SGK1: variants seen among roughly 807,000 people sequenced by gnomAD.
SGK1 encodes the protein serum/glucocorticoid regulated kinase 1.
Under a neutral mutation model 64.2 loss-of-function variants are expected in SGK1, and 26 were observed. That is an observed-to-expected ratio of 0.40 (90% CI 0.30 to 0.56). The LOEUF is 0.56. SGK1 is among the 20% of genes least tolerant of loss of function. The pLI, the probability that SGK1 is intolerant of heterozygous loss-of-function variation, is 0.38. For synonymous variants in SGK1, 265 were observed against 239.7 expected, an observed-to-expected ratio of 1.11 and a Z score of -0.98; for missense variants, 519 against 645.6, an observed-to-expected ratio of 0.80 and a Z score of 2.12.
chr6:134,298,612 G>GC (rs1050210176), intron 1 of SGK1: 10 of 1,132,704 alleles, frequency 8.8e-6, no homozygotes, highest in Admixed American at 1.9e-5. Context: ...CAGGTACTGG[G>GC]CCCACTCGTG....
chr6:134,280,526 C>T (rs1373171561), intron 1 of SGK1, among the ~76,000 whole-genome samples: 1 of 152,198 alleles, frequency 6.6e-6, no homozygotes, highest in African/African-American at 2.4e-5. Context: ...GATTCTCCCA[C>T]CTTGGCTTCC....
Position 134,172,173 on chromosome 6 carries a change from C to G in SGK1, c.1071+20G>C, listed in dbSNP as rs1452535752. On this transcript the variant is annotated intron_variant, in intron 10 of 13. Transcript: ENST00000367858. ...TGGAAGGCGGGGGTAAACCAGGCACCAAACCAAGACAGCGCCTACCTCCGG... is the reference window on the plus strand; with the variant it reads ...TGGAAGGCGGGGGTAAACCAGGCACGAAACCAAGACAGCGCCTACCTCCGG... The G allele has an allele frequency of 6.2e-7, 1 of 1,610,286 alleles. No individual in the cohort carries two copies. The highest frequency in any genetic ancestry group is 8.5e-7 in the Non-Finnish European group (1 of 1,178,828).
In SGK1 at chr6:134,172,336, AAAG is replaced by A. The variant is rs781574579; in HGVS notation, c.948-23_948-21del. 5 of 1,605,612 alleles carry A rather than the reference AAAG, an allele frequency of 3.1e-6. No individual in the cohort carries two copies. In the South Asian group the frequency reaches 5.5e-5, roughly 18 times the overall value. On this transcript the variant is annotated intron_variant, in intron 9 of 13. Coordinates refer to ENST00000367858, the MANE Select transcript of SGK1 (RefSeq NM_001143676.3). ...AAGTCTCTGTAAAAAAGTGAATAGA[AAAG>A]TAGTTGCACAAGTTAATTTCACTTC...
In SGK1 at chr6:134,170,153, A is replaced by G; in HGVS notation, c.*115T>C. 1 of 863,566 alleles carries G rather than the reference A, an allele frequency of 1.2e-6. No homozygotes were observed. 53.5% of individuals were successfully genotyped at this position (863,566 alleles called of 1,614,324 possible). A position where few individuals can be genotyped will look rare whatever the true frequency, so the allele number is the denominator to read the frequency against. ...TGTGCAATAAGATTGCTAAGCTTCC[A>G]GAGATGTGCAAATTCTCTTGTAAGA... On this transcript the variant is annotated 3_prime_UTR_variant, in exon 14 of 14. Transcript: ENST00000367858.
chr6:134,277,715 T>A (rs1777038733), intron 1 of SGK1, among the ~76,000 whole-genome samples: 1 of 152,176 alleles, frequency 6.6e-6, no homozygotes, highest in Non-Finnish European at 1.5e-5. Flanking sequence ...ACCATATAGC[T>A]CTTAAACTCC....
intron 2 of SGK1, among the ~76,000 whole-genome samples, chr6:134,220,760 C>T (rs1258482532): frequency 6.6e-6 from 1 of 152,082 alleles, no homozygotes; most frequent in African/African-American, 2.4e-5. Flanking sequence ...ATACTCCTCT[C>T]GGGAGAGATA....
intron 3 of SGK1, among the ~76,000 whole-genome samples, chr6:134,194,179 T>C (rs1775561701): frequency 6.6e-6 from 1 of 152,138 alleles, no homozygotes; most frequent in Non-Finnish European, 1.5e-5. Context: ...TCTTTTTTTT[T>C]TTTTCTCATC....
chr6:134,176,406 G>A (rs1229905913), intron 3 of SGK1, among the ~76,000 whole-genome samples: 1 of 152,260 alleles, frequency 6.6e-6, no homozygotes, highest in South Asian at 2.1e-4. Context: ...GCTCGAGGCG[G>A]CGGCCCGGGC....
At chr6:134,255,770 A>G (rs1776674146) in intron 2 of SGK1, among the ~76,000 whole-genome samples, 1 of 151,680 alleles carries the variant, frequency 6.6e-6, no homozygotes, top group African/African-American at 2.4e-5. Flanking sequence ...TTTTTAGTAG[A>G]GACAGGGTTT....
intron 3 of SGK1, among the ~76,000 whole-genome samples, chr6:134,199,558 C>CAAAAAAAAAAA (rs369760659): frequency 7.4e-5 from 6 of 81,316 alleles, no homozygotes; most frequent in Non-Finnish European, 9.0e-5. Context: ...GACTCTCTCT[C>CAAAAAAAAAAA]AAAAAAAAAA....
Position 134,211,177 on chromosome 6 carries a change from C to A in SGK1, c.286-3746G>T, listed in dbSNP as rs545155954. ...GATCTCATGTTATGTGTTCTTTCCA[C>A]AATAACACAAAATCTAGAATAGATT... On this transcript the variant is annotated intron_variant, in intron 2 of 13. Transcript: ENST00000367858. 9.7e-4 allele frequency among the ~76,000 whole-genome samples: 147 copies of A among 151,676 alleles called. 3 individuals are homozygous for A. In the South Asian group the frequency reaches 0.03, roughly 31 times the overall value.
At chr6:134,282,576 C>T (rs762421112) in intron 1 of SGK1, among the ~76,000 whole-genome samples, 2 of 151,352 alleles carry the variant, frequency 1.3e-5, no homozygotes, top group Non-Finnish European at 2.9e-5. Context: ...TCACTTGAAC[C>T]TGGGAGGCGG....
chr6:134,204,031 T>C (rs1775727287), intron 3 of SGK1, among the ~76,000 whole-genome samples: 1 of 150,646 alleles, frequency 6.6e-6, no homozygotes, highest in African/African-American at 2.5e-5. Flanking sequence ...ATCATGCCAT[T>C]GCACTCCAGC....
chr6:134,241,430 C>A (rs1305469358), intron 2 of SGK1, among the ~76,000 whole-genome samples: 2 of 151,796 alleles, frequency 1.3e-5, no homozygotes, highest in Admixed American at 1.3e-4. Flanking sequence ...CTCAGGTGAT[C>A]CTGCCACCTC....
At chr6:134,213,643 T>TAAATAAATAAATA (rs11409950) in intron 2 of SGK1, among the ~76,000 whole-genome samples, 1 of 27,816 alleles carries the variant, frequency 3.6e-5, no homozygotes, top group Non-Finnish European at 1.3e-4. Context: ...AATAAATAAA[T>TAAATAAATAAATA]AATAAATAAA....
At chr6:134,264,011 G>A (rs1316223574) in intron 1 of SGK1, among the ~76,000 whole-genome samples, 2 of 152,066 alleles carry the variant, frequency 1.3e-5, no homozygotes, top group East Asian at 1.9e-4. Flanking sequence ...AAAAACAAAC[G>A]CATAGAGATG....
chr6:134,241,714 G>A (rs1265505435), intron 2 of SGK1, among the ~76,000 whole-genome samples: 1 of 152,046 alleles, frequency 6.6e-6, no homozygotes, highest in Non-Finnish European at 1.5e-5. Flanking sequence ...TCCGCCTCCC[G>A]GGTTCAGGCC....
chr6:134,217,018 A>G (rs1457415501), intron 2 of SGK1, among the ~76,000 whole-genome samples: 1 of 152,248 alleles, frequency 6.6e-6, no homozygotes, highest in East Asian at 1.9e-4. Flanking sequence ...TGTGTTCTTC[A>G]TGCCATGGAA....
At chr6:134,271,433 A>G (rs368779846) in intron 1 of SGK1, among the ~76,000 whole-genome samples, 4 of 147,870 alleles carry the variant, frequency 2.7e-5, no homozygotes, top group East Asian at 4.8e-4. Flanking sequence ...TATTTTAGGT[A>G]CTATCTCTAC....
Sources: allele counts gnomAD v4.1 joint callset (sites outside exome capture counted in the v4.1 genomes callset), GRCh38; gene constraint gnomAD v4.1.1; transcripts MANE v1.5; gene names NCBI Gene and HGNC (gene_info 2026-07-23, HGNC 2026-07-21).